Variants in PDE10A observed in about 807,000 individuals in gnomAD.
PDE10A encodes the protein cAMP and cAMP-inhibited cGMP 3',5'-cyclic phosphodiesterase 10A.
A neutral mutation model predicts 97.7 loss-of-function variants in PDE10A; 39 were observed. That is an observed-to-expected ratio of 0.40 (90% CI 0.31 to 0.52). The LOEUF (loss-of-function observed/expected upper bound fraction) is 0.52, where lower values mean the gene tolerates loss of function less well. Ranked by LOEUF, PDE10A falls within the 20% of genes least tolerant of loss-of-function variation. The pLI, the probability that PDE10A is intolerant of heterozygous loss-of-function variation, is 0.56. For synonymous variants in PDE10A, 371 were observed against 376.8 expected (o/e 0.98, Z 0.18); for missense variants, 731 against 1,047.8 (o/e 0.70, Z 4.17).
At chr6:165,356,727 T>C (rs1240697388) in intron 18 of PDE10A, among the ~76,000 whole-genome samples, 2 of 152,206 alleles carry the variant, frequency 1.3e-5, no homozygotes, top group African/African-American at 2.4e-5. Flanking sequence ...GTTGTTCATA[T>C]ACAAAAAATA....
At chr6:165,828,724 G>A (rs1047288295) in intron 1 of PDE10A, among the ~76,000 whole-genome samples, 2 of 152,122 alleles carry the variant, frequency 1.3e-5, no homozygotes, top group East Asian at 3.9e-4. Flanking sequence ...ATGAGCAGCC[G>A]TCACCAGCAT....
chr6:165,601,156 AC>A (rs1236421511), intron 1 of PDE10A, among the ~76,000 whole-genome samples: 3 of 152,138 alleles, frequency 2.0e-5, no homozygotes, highest in Non-Finnish European at 4.4e-5. Flanking sequence ...AGGGGTTTCC[AC>A]TTTTGCTTCT....
intron 1 of PDE10A, among the ~76,000 whole-genome samples, chr6:165,860,280 C>T (rs974830278): frequency 2.6e-5 from 4 of 151,998 alleles, no homozygotes; most frequent in Non-Finnish European, 4.4e-5. Context: ...ATGGAGAAAC[C>T]CCATCTCTAC....
At chr6:165,339,944 T>C (rs1475546259) in intron 19 of PDE10A, among the ~76,000 whole-genome samples, 1 of 152,072 alleles carries the variant, frequency 6.6e-6, no homozygotes, top group African/African-American at 2.4e-5. Flanking sequence ...CTATGTTAGT[T>C]ACTAAAGATT....
At chr6:165,456,095 T>C (rs1777938503) in intron 3 of PDE10A, among the ~76,000 whole-genome samples, 1 of 152,212 alleles carries the variant, frequency 6.6e-6, no homozygotes, top group African/African-American at 2.4e-5. Flanking sequence ...TCAGATAAAA[T>C]ATGCTACTCT....
chr6:165,779,742 C>T (rs927545738), intron 1 of PDE10A, among the ~76,000 whole-genome samples: 4 of 152,140 alleles, frequency 2.6e-5, no homozygotes, highest in African/African-American at 4.8e-5. Context: ...AATTCGTGTT[C>T]GACTGCTGTG....
At chr6:165,867,949 G>A (rs1423225735) in intron 1 of PDE10A, among the ~76,000 whole-genome samples, 1 of 151,924 alleles carries the variant, frequency 6.6e-6, no homozygotes, top group Non-Finnish European at 1.5e-5. Flanking sequence ...GAAATTAAGA[G>A]GGAAATTTTA....
At chr6:165,722,144 A>T (rs568133556) in intron 1 of PDE10A, among the ~76,000 whole-genome samples, 15 of 152,238 alleles carry the variant, frequency 9.9e-5, no homozygotes, top group African/African-American at 3.6e-4. Context: ...GATTAATCTC[A>T]TCTTACTGAT....
intron 1 of PDE10A, among the ~76,000 whole-genome samples, chr6:165,916,276 A>G (rs1782601513): frequency 6.6e-6 from 1 of 152,188 alleles, no homozygotes; most frequent in East Asian, 1.9e-4. Flanking sequence ...GCATCATGAA[A>G]CTTCATGACC....
At chr6:165,467,366 C>G (rs1237720913) in intron 3 of PDE10A, among the ~76,000 whole-genome samples, 1 of 152,172 alleles carries the variant, frequency 6.6e-6, no homozygotes, top group Non-Finnish European at 1.5e-5. Flanking sequence ...ATCTAGGACC[C>G]TTATAACTGG....
At chr6:165,884,601 A>G (rs770931352) in intron 1 of PDE10A, among the ~76,000 whole-genome samples, 12 of 152,252 alleles carry the variant, frequency 7.9e-5, no homozygotes, top group Non-Finnish European at 1.5e-4. Flanking sequence ...CAATCAACTT[A>G]TATCACATGG....
At chr6:165,902,545 C>G (rs958858384) in intron 1 of PDE10A, among the ~76,000 whole-genome samples, 1 of 152,220 alleles carries the variant, frequency 6.6e-6, no homozygotes, top group East Asian at 1.9e-4. Context: ...AGAACTGGCT[C>G]TCTTCGGCAT....
intron 1 of PDE10A, among the ~76,000 whole-genome samples, chr6:165,966,116 T>A (rs1784502403): frequency 2.0e-5 from 3 of 152,182 alleles, no homozygotes; most frequent in Admixed American, 6.5e-5. Context: ...TCTAACACAT[T>A]TGAACTTCAA....
intron 1 of PDE10A, among the ~76,000 whole-genome samples, chr6:165,982,809 T>A (rs548259429): frequency 5.3e-5 from 8 of 152,158 alleles, no homozygotes; most frequent in Non-Finnish European, 1.0e-4. Flanking sequence ...GTCCATTCAG[T>A]TATAATCAAC....
intron 1 of PDE10A, among the ~76,000 whole-genome samples, chr6:165,697,915 A>G (rs1297398865): frequency 6.6e-5 from 10 of 152,216 alleles, no homozygotes; most frequent in Non-Finnish European, 1.2e-4. Flanking sequence ...TACAGGAGAA[A>G]AGAAGAAAGA....
rs751575473 is a variant in PDE10A, at chr6:165,853,592, T to C, written c.-615+133937A>G. Among the ~76,000 whole-genome samples the C allele has an allele frequency of 2.6e-5, 4 of 152,204 alleles. No individual in the cohort carries two copies. In the East Asian group the frequency reaches 7.7e-4, roughly 29 times the overall value. ...TTGCTTTCACCTGTAAGGAATCACC[T>C]TGTGCCACTAATTCATTTTACAGTG... On this transcript the variant is annotated intron_variant, in intron 1 of 19. Coordinates refer to the PDE10A transcript ENST00000366882.
chr6:165,883,806 C>A (rs921365355), intron 1 of PDE10A, among the ~76,000 whole-genome samples: 2 of 152,132 alleles, frequency 1.3e-5, no homozygotes, highest in Non-Finnish European at 2.9e-5. Context: ...CTGATCTACC[C>A]TAAGCCGCCC....
intron 1 of PDE10A, among the ~76,000 whole-genome samples, chr6:165,832,038 A>G (rs1189709827): frequency 6.6e-6 from 1 of 152,220 alleles, no homozygotes; most frequent in Non-Finnish European, 1.5e-5. Context: ...GAGACATCAA[A>G]GGACTGTTAC....
chr6:165,577,624 C>A (rs1025078261), intron 1 of PDE10A, among the ~76,000 whole-genome samples: 1 of 152,170 alleles, frequency 6.6e-6, no homozygotes, highest in African/African-American at 2.4e-5. Context: ...CCCCAGGTCC[C>A]CTCACTCTTG....
Sources: allele counts gnomAD v4.1 joint callset (sites outside exome capture counted in the v4.1 genomes callset), GRCh38; gene constraint gnomAD v4.1.1; transcripts MANE v1.5; gene names NCBI Gene and HGNC (gene_info 2026-07-23, HGNC 2026-07-21).